AGMO: variants seen among roughly 807,000 people sequenced by gnomAD.
The protein encoded by AGMO is alkylglycerol monooxygenase, also known as glyceryl-ether monooxygenase.
A neutral mutation model predicts 60.2 loss-of-function variants in AGMO; 75 were observed. The observed-to-expected ratio is 1.25, with a 90% confidence interval of 1.03 to 1.51. The LOEUF (loss-of-function observed/expected upper bound fraction) is 1.51, where lower values mean the gene tolerates loss of function less well. Among genes scored for constraint, AGMO ranks in the 40% most tolerant of loss-of-function variants. The pLI is 0.00. For missense variants in AGMO, 763 were observed against 525.5 expected, an observed-to-expected ratio of 1.45 and a Z score of -4.42; for synonymous variants, 261 against 177.1, an observed-to-expected ratio of 1.47 and a Z score of -3.76.
At chr7:15,557,467 G>T (rs891791637) in intron 2 of AGMO, among the ~76,000 whole-genome samples, 3 of 151,946 alleles carry the variant, frequency 2.0e-5, no homozygotes, top group Admixed American at 6.6e-5. Context: ...TCCCCTTGAT[G>T]CTGTGGCTTC....
chr7:15,181,025 G>A, the AGMO span, among the ~76,000 whole-genome samples: 1 of 152,116 alleles, frequency 6.6e-6, no homozygotes, highest in Admixed American at 6.6e-5. Flanking sequence ...CTGTGATAAT[G>A]AACCCACTCC....
intron 4 of AGMO, 72 bp downstream of exon 4, chr7:15,430,933 T>TTTTTTTTTTTG: frequency 2.5e-6 from 2 of 788,666 alleles, no homozygotes; most frequent in Admixed American, 3.1e-5. Context: ...TTTTTTTTTT[T>TTTTTTTTTTTG]GAGGAAATAG....
chr7:15,395,512 C>T (rs1448811094), intron 5 of AGMO, among the ~76,000 whole-genome samples: 1 of 151,946 alleles, frequency 6.6e-6, no homozygotes, highest in Non-Finnish European at 1.5e-5. Context: ...ATAACATTGT[C>T]ATTTTGTTAG....
chr7:15,284,122 A>G (rs1404442961), intron 12 of AGMO, among the ~76,000 whole-genome samples: 1 of 152,120 alleles, frequency 6.6e-6, no homozygotes, highest in Non-Finnish European at 1.5e-5. Flanking sequence ...GCCTCCATCA[A>G]AAAGTATAAA....
At chr7:15,470,668 C>T (rs879789068) in intron 3 of AGMO, among the ~76,000 whole-genome samples, 1 of 151,898 alleles carries the variant, frequency 6.6e-6, no homozygotes, top group Non-Finnish European at 1.5e-5. Context: ...CACTTAAATA[C>T]TTTCCTGGTT....
chr7:15,360,984 T>C (rs1782728258), intron 12 of AGMO, among the ~76,000 whole-genome samples: 1 of 152,214 alleles, frequency 6.6e-6, no homozygotes, highest in Non-Finnish European at 1.5e-5. Flanking sequence ...TCCCATGCCT[T>C]CTTCACCTTA....
chr7:15,183,181 T>C, the AGMO span, among the ~76,000 whole-genome samples: 1 of 152,046 alleles, frequency 6.6e-6, no homozygotes, highest in Non-Finnish European at 1.5e-5. Context: ...GGGGTCTGCC[T>C]TTATATGTCT....
chr7:15,207,118 A>G (rs968258178), intron 12 of AGMO, among the ~76,000 whole-genome samples: 1 of 152,202 alleles, frequency 6.6e-6, no homozygotes, highest in Non-Finnish European at 1.5e-5. Flanking sequence ...TCACGATAAC[A>G]TTTGAAAACC....
intron 3 of AGMO, among the ~76,000 whole-genome samples, chr7:15,436,575 AAAC>A (rs1264658509): frequency 1.3e-5 from 2 of 152,338 alleles, no homozygotes; most frequent in East Asian, 1.9e-4. Flanking sequence ...ACAAATAGTC[AAAC>A]AACAGCGAGC....
At chr7:15,421,510 A>G (rs1427206877) in intron 4 of AGMO, among the ~76,000 whole-genome samples, 2 of 152,176 alleles carry the variant, frequency 1.3e-5, no homozygotes, top group African/African-American at 4.8e-5. Flanking sequence ...TAATCACAGC[A>G]GTAGCCATGG....
intron 12 of AGMO, among the ~76,000 whole-genome samples, chr7:15,343,665 C>G (rs1240615604): frequency 1.3e-5 from 2 of 152,102 alleles, no homozygotes; most frequent in Non-Finnish European, 2.9e-5. Context: ...GCTGTTTTAT[C>G]TGTATATTCT....
At chr7:15,398,449 G>A (rs1461256523) in intron 5 of AGMO, among the ~76,000 whole-genome samples, 2 of 152,096 alleles carry the variant, frequency 1.3e-5, no homozygotes, top group African/African-American at 4.8e-5. Flanking sequence ...TGGAGCTGGG[G>A]AAGACCACCT....
chr7:15,224,865 A>C (rs6943248), intron 12 of AGMO, among the ~76,000 whole-genome samples: 1 of 152,024 alleles, frequency 6.6e-6, no homozygotes. Context: ...TTTAAAAAAA[A>C]TGCTTCATAT....
At chr7:15,553,353 A>G (rs1785030479) in intron 2 of AGMO, among the ~76,000 whole-genome samples, 1 of 151,744 alleles carries the variant, frequency 6.6e-6, no homozygotes, top group Non-Finnish European at 1.5e-5. Flanking sequence ...AAAATAAAAT[A>G]AAATAGAAAA....
At chr7:15,352,982 G>T (rs941444267) in intron 12 of AGMO, among the ~76,000 whole-genome samples, 1 of 151,972 alleles carries the variant, frequency 6.6e-6, no homozygotes, top group African/African-American at 2.4e-5. Context: ...GGGGAGTGTC[G>T]GATGCGCAGG....
At chr7:15,416,087 G>A (rs1471933689) in intron 5 of AGMO, among the ~76,000 whole-genome samples, 3 of 147,018 alleles carry the variant, frequency 2.0e-5, no homozygotes, top group East Asian at 2.0e-4. Flanking sequence ...AGGCTGGAGT[G>A]CAGTGGCATG....
intron 12 of AGMO, among the ~76,000 whole-genome samples, chr7:15,284,979 A>G (rs536311850): frequency 2.0e-5 from 3 of 152,224 alleles, no homozygotes; most frequent in Admixed American, 6.5e-5. Context: ...AATAAAAACC[A>G]TATGATCATC....
At chr7:15,148,554 G>T in the AGMO span, among the ~76,000 whole-genome samples, 2 of 152,052 alleles carry the variant, frequency 1.3e-5, no homozygotes, top group East Asian at 3.9e-4. Flanking sequence ...TCAAGGTTTA[G>T]TTCCCACTTA....
chr7:15,143,237 A>G, the AGMO span, among the ~76,000 whole-genome samples: 4 of 152,320 alleles, frequency 2.6e-5, no homozygotes, highest in East Asian at 5.8e-4. Context: ...CTGTCTCTTT[A>G]GTTGACAGAC....
Sources: allele counts gnomAD v4.1 joint callset (sites outside exome capture counted in the v4.1 genomes callset), GRCh38; gene constraint gnomAD v4.1.1; transcripts MANE v1.5; gene names NCBI Gene and HGNC (gene_info 2026-07-23, HGNC 2026-07-21).